PRKG2: variants seen among roughly 807,000 people sequenced by gnomAD.
PRKG2 encodes cGMP-dependent protein kinase 2.
A neutral mutation model predicts 97.2 loss-of-function variants in PRKG2; 33 were observed. The ratio of observed to expected loss-of-function variants is 0.34; its 90% CI spans 0.26 to 0.45. The LOEUF (loss-of-function observed/expected upper bound fraction) is 0.45, where lower values mean the gene tolerates loss of function less well. Among genes scored for constraint, PRKG2 ranks in the 20% least tolerant of loss-of-function variants. The pLI, the probability that PRKG2 is intolerant of heterozygous loss-of-function variation, is 1.00. For synonymous variants in PRKG2, 330 were observed against 321.8 expected (o/e 1.03, Z -0.27); for missense variants, 638 against 900.0 (o/e 0.71, Z 3.73).
intron 7 of PRKG2, 149 bp from the exon 8 acceptor site, chr4:81,152,203 AATTACCTAC>A: frequency 1.7e-6 from 1 of 598,052 alleles, no homozygotes; most frequent in Non-Finnish European, 2.9e-6. Flanking sequence ...TAATTAGGAC[AATTACCTAC>A]ATTCAGCCCA....
chr4:81,117,830 T>C (rs944003513), intron 14 of PRKG2, among the ~76,000 whole-genome samples: 19 of 152,220 alleles, frequency 1.2e-4, no homozygotes, highest in Admixed American at 3.3e-4. Flanking sequence ...GGAACCTATA[T>C]TGATACATCA....
At chr4:81,124,196 GT>G (rs1745334748) in intron 14 of PRKG2, among the ~76,000 whole-genome samples, 1 of 152,066 alleles carries the variant, frequency 6.6e-6, no homozygotes, top group Admixed American at 6.5e-5. Context: ...TGGACATGGA[GT>G]TTTTCATTTA....
intron 2 of PRKG2, among the ~76,000 whole-genome samples, chr4:81,195,365 T>G (rs1050738372): frequency 1.3e-5 from 2 of 152,174 alleles, no homozygotes; most frequent in African/African-American, 4.8e-5. Context: ...TTAGCCTCAG[T>G]GTGTGAACTT....
chr4:81,124,130 C>T (rs934941080), intron 14 of PRKG2, among the ~76,000 whole-genome samples: 1 of 152,014 alleles, frequency 6.6e-6, no homozygotes, highest in African/African-American at 2.4e-5. Flanking sequence ...AAGTAAACAC[C>T]CTTTATCTTT....
chr4:81,216,891 TTGTGTGTGTGTGTGTGTG>T (rs68179456), upstream of PRKG2, among the ~76,000 whole-genome samples: 4 of 131,496 alleles, frequency 3.0e-5, no homozygotes, highest in Non-Finnish European at 4.8e-5. Flanking sequence ...TAGTATTCCA[TTGTGTGTGTGTGTGTGTG>T]TGTGTGTGTG....
At chr4:81,211,974 C>T (rs902695016) in intron 1 of PRKG2, among the ~76,000 whole-genome samples, 2 of 145,274 alleles carry the variant, frequency 1.4e-5, no homozygotes, top group East Asian at 4.1e-4. Context: ...TTACCATTAG[C>T]TTGTCTCTCT....
In PRKG2 at chr4:81,142,833, A is replaced by G; in HGVS notation, c.1368T>C (p.Ile456=). 6.2e-7 allele frequency: 1 copy of G among 1,611,840 alleles called. No individual in the cohort carries two copies. The highest frequency in any genetic ancestry group is 2.2e-5 in the East Asian group (1 of 44,864). ...CGAACCCACCAACGCCCAGTGTTGC[A>G]ATAATCTCAAGGTTCTGGAATGGGG... ...SSSPFQNLEI[I]ATLGVGGFGR... is the part of the protein sequence containing the mutation. Residue 456 remains isoleucine, a synonymous_variant, in exon 11 of 19, where the codon ATT becomes ATC. Transcript: ENST00000264399.
At chr4:81,181,286 A>C (rs916367801) in intron 2 of PRKG2, among the ~76,000 whole-genome samples, 2 of 152,118 alleles carry the variant, frequency 1.3e-5, no homozygotes, top group African/African-American at 4.8e-5. Flanking sequence ...TACATTTCTA[A>C]ACAACCCATT....
chr4:81,133,271 G>A (rs1488141439), intron 14 of PRKG2, among the ~76,000 whole-genome samples: 3 of 152,096 alleles, frequency 2.0e-5, no homozygotes, highest in Non-Finnish European at 2.9e-5. Context: ...TTCTTTGCAT[G>A]TAATCTGTCA....
At chr4:81,168,816 C>T (rs540640380) in intron 5 of PRKG2, among the ~76,000 whole-genome samples, 1 of 151,968 alleles carries the variant, frequency 6.6e-6, no homozygotes, top group African/African-American at 2.4e-5. Context: ...GCCCTAAAAT[C>T]ATTAGCTTTG....
intron 14 of PRKG2, among the ~76,000 whole-genome samples, chr4:81,116,985 CTTTTTTTTT>C (rs58361616): frequency 1.3e-5 from 1 of 78,988 alleles, no homozygotes; most frequent in Non-Finnish European, 2.2e-5. Context: ...CCTGTTGTTA[CTTTTTTTTT>C]TTTTTTTTTT....
At chr4:81,159,462 G>A (rs898018817) in intron 6 of PRKG2, among the ~76,000 whole-genome samples, 1 of 152,078 alleles carries the variant, frequency 6.6e-6, no homozygotes, top group African/African-American at 2.4e-5. Context: ...AGAAACAACA[G>A]GTGCTGGAGA....
chr4:81,144,361 G>T, intron 9 of PRKG2, 31 bp from the exon 10 acceptor site: 2 of 1,537,520 alleles, frequency 1.3e-6, no homozygotes, highest in African/African-American at 1.4e-5. Flanking sequence ...AAAATGCTCC[G>T]TGCTGATAGT....
intron 6 of PRKG2, among the ~76,000 whole-genome samples, chr4:81,157,143 T>C (rs914791098): frequency 9.2e-5 from 14 of 152,080 alleles, no homozygotes; most frequent in African/African-American, 3.4e-4. Flanking sequence ...ATCCAGGAGC[T>C]GGTTTTTTGA....
At chr4:81,129,172 C>T (rs1021550284) in intron 14 of PRKG2, among the ~76,000 whole-genome samples, 9 of 152,084 alleles carry the variant, frequency 5.9e-5, no homozygotes, top group Admixed American at 5.9e-4. Flanking sequence ...GCCCTGTTGT[C>T]TGAGAGACTT....
intron 2 of PRKG2, among the ~76,000 whole-genome samples, chr4:81,203,811 T>C (rs954701411): frequency 6.6e-6 from 1 of 152,180 alleles, no homozygotes; most frequent in African/African-American, 2.4e-5. Context: ...AAAGTAATTC[T>C]AGCTTTTAAT....
chr4:81,161,689 A>C (rs1749601920), intron 6 of PRKG2, among the ~76,000 whole-genome samples: 1 of 152,048 alleles, frequency 6.6e-6, no homozygotes, highest in Non-Finnish European at 1.5e-5. Context: ...CCATCTCAGA[A>C]CCAGTGATGG....
chr4:81,107,625 G>C (rs1395378504), intron 15 of PRKG2, among the ~76,000 whole-genome samples: 29 of 152,010 alleles, frequency 1.9e-4, no homozygotes, highest in Non-Finnish European at 1.2e-4. Flanking sequence ...TGATTCTCCT[G>C]CCTCAGCCTC....
chr4:81,089,808 T>C lies in PRKG2; in HGVS notation c.2194-5A>G, dbSNP rs997340093. 1.3e-6 allele frequency: 2 copies of C among 1,584,388 alleles called. No homozygotes were observed. Among genetic ancestry groups the C allele is most frequent in the Non-Finnish European group, 1.7e-6 (2 of 1,153,518 alleles). On this transcript the variant is annotated splice_region_variant and splice_polypyrimidine_tract_variant and intron_variant, in intron 18 of 18. Coordinates refer to ENST00000264399, the MANE Select transcript of PRKG2 (RefSeq NM_006259.3). ...GTGATCTATGGGTCCCTTGAGCTAA[T>C]ATAGAAATAATTAAAACAAAAGGAA...
Sources: allele counts gnomAD v4.1 joint callset (sites outside exome capture counted in the v4.1 genomes callset), GRCh38; gene constraint gnomAD v4.1.1; transcripts MANE v1.5; gene names NCBI Gene and HGNC (gene_info 2026-07-23, HGNC 2026-07-21).